MED13L: variants seen among roughly 807,000 people sequenced by gnomAD.
MED13L encodes mediator of RNA polymerase II transcription subunit 13-like.
MED13L carries 7 observed loss-of-function variants against 220.9 expected under a neutral mutation model. The observed-to-expected ratio is 0.03, with a 90% CI of 0.02 to 0.06. The LOEUF is 0.06. Among genes scored for constraint, MED13L ranks in the 10% least tolerant of loss-of-function variants. MED13L has a pLI of 1.00. For missense variants in MED13L, 1,965 were observed against 2,760.5 expected (o/e 0.71, Z 6.46); for synonymous variants, 1,011 against 1,015.2 (o/e 1.00, Z 0.08).
At chr12:116,124,085 T>C (rs927900148) in intron 2 of MED13L, among the ~76,000 whole-genome samples, 1 of 142,046 alleles carries the variant, frequency 7.0e-6, no homozygotes, top group Admixed American at 7.2e-5. Context: ...AAATAGCAAA[T>C]GTAGCAAAAA....
intron 2 of MED13L, among the ~76,000 whole-genome samples, chr12:116,157,195 C>A (rs868027576): frequency 6.6e-6 from 1 of 152,172 alleles, no homozygotes; most frequent in Non-Finnish European, 1.5e-5. Context: ...ATTAACCACC[C>A]TGTGCTATGC....
intron 2 of MED13L, among the ~76,000 whole-genome samples, chr12:116,227,514 A>G (rs376499455): frequency 2.0e-5 from 3 of 152,212 alleles, no homozygotes; most frequent in South Asian, 4.1e-4. Context: ...AATTCTTGCA[A>G]TATTTCAAAC....
chr12:116,222,925 T>C (rs1868584277), intron 2 of MED13L, among the ~76,000 whole-genome samples: 1 of 152,262 alleles, frequency 6.6e-6, no homozygotes, highest in African/African-American at 2.4e-5. Context: ...CAATCTCATT[T>C]TATCATGTAG....
chr12:116,034,397 A>G (rs931584114), intron 4 of MED13L, among the ~76,000 whole-genome samples: 3 of 152,222 alleles, frequency 2.0e-5, no homozygotes, highest in Non-Finnish European at 2.9e-5. Flanking sequence ...GAGGTGCGGA[A>G]GAACACAAAT....
intron 1 of MED13L, among the ~76,000 whole-genome samples, chr12:116,261,902 T>C (rs1050105383): frequency 2.0e-5 from 3 of 152,206 alleles, no homozygotes; most frequent in Admixed American, 6.5e-5. Flanking sequence ...CCTAGACTGT[T>C]CTAAGAGCTT....
intron 2 of MED13L, among the ~76,000 whole-genome samples, chr12:116,165,955 T>C (rs1879235210): frequency 6.6e-6 from 1 of 152,190 alleles, no homozygotes; most frequent in Non-Finnish European, 1.5e-5. Context: ...ACAACATGCC[T>C]CCTGCCACCA....
intron 2 of MED13L, among the ~76,000 whole-genome samples, chr12:116,145,925 TAAATAAACC>T (rs1404040424): frequency 6.6e-6 from 1 of 152,160 alleles, no homozygotes; most frequent in South Asian, 2.1e-4. Context: ...TTCTCTGCAA[TAAATAAACC>T]AAATAAACCA....
chr12:116,268,426 G>A (rs2138581215), intron 1 of MED13L, among the ~76,000 whole-genome samples: 1 of 152,170 alleles, frequency 6.6e-6, no homozygotes, highest in South Asian at 2.1e-4. Context: ...CCTTATTAGT[G>A]CTCATATTAA....
At chr12:116,091,533 C>T (rs926599684) in intron 4 of MED13L, among the ~76,000 whole-genome samples, 1 of 152,180 alleles carries the variant, frequency 6.6e-6, no homozygotes, top group Admixed American at 6.5e-5. Context: ...AAAATTATAG[C>T]TACCACTATT....
intron 2 of MED13L, among the ~76,000 whole-genome samples, chr12:116,213,307 A>C (rs1882815581): frequency 6.6e-6 from 1 of 152,230 alleles, no homozygotes; most frequent in Admixed American, 6.5e-5. Flanking sequence ...CTGCTTGCAA[A>C]TCAAAGACAA....
chr12:116,058,992 T>A (rs1193403800), intron 4 of MED13L, among the ~76,000 whole-genome samples: 1 of 152,228 alleles, frequency 6.6e-6, no homozygotes, highest in Non-Finnish European at 1.5e-5. Flanking sequence ...AAAAAAAGGT[T>A]TCCATTTATA....
chr12:116,075,384 T>C (rs1870699489), intron 4 of MED13L, among the ~76,000 whole-genome samples: 1 of 152,210 alleles, frequency 6.6e-6, no homozygotes, highest in Non-Finnish European at 1.5e-5. Flanking sequence ...ACAAGCAGTT[T>C]GCATAAACGT....
chr12:116,163,646 C>T (rs1879048111), intron 2 of MED13L, among the ~76,000 whole-genome samples: 1 of 152,036 alleles, frequency 6.6e-6, no homozygotes, highest in African/African-American at 2.4e-5. Flanking sequence ...TACACTGTGC[C>T]TGGCCAAGGT....
intron 3 of MED13L, among the ~76,000 whole-genome samples, chr12:116,099,823 C>A (rs757448132): frequency 2.0e-5 from 3 of 152,148 alleles, no homozygotes; most frequent in Non-Finnish European, 2.9e-5. Context: ...TCCAACACTG[C>A]GTGAATAGAG....
chr12:116,031,643 GGGGACGGGAC>G (rs755149086), intron 4 of MED13L, among the ~76,000 whole-genome samples: 3 of 102,238 alleles, frequency 2.9e-5, no homozygotes, highest in Non-Finnish European at 4.1e-5. Context: ...GGAGGGGAGG[GGGGACGGGAC>G]GGGACGGGAC....
At chr12:116,270,639 A>G (rs958392201) in intron 1 of MED13L, among the ~76,000 whole-genome samples, 1 of 152,222 alleles carries the variant, frequency 6.6e-6, no homozygotes, top group Admixed American at 6.5e-5. Flanking sequence ...AATATTTACT[A>G]AGATTAATGA....
rs1346232418 is a variant in MED13L at position 115,991,996 on chromosome 12, T to G, written c.2997-39A>C. On this transcript the variant is annotated intron_variant, in intron 16 of 30. Transcript: ENST00000281928. The surrounding 1 kb of genome is among the most constrained non-coding windows in gnomAD (Gnocchi z 7.7). ...AGGCACCAAGTGAGGAAGGGCAGCA[T>G]GTCACAGATGCTGAACTAGACACAT... is the stretch of plus-strand genomic sequence containing the variant. The G allele has an allele frequency of 4.6e-6, 7 of 1,536,394 alleles. No individual in the cohort carries two copies. Among genetic ancestry groups the G allele is most frequent in the Non-Finnish European group, 6.2e-6 (7 of 1,128,824 alleles).
intron 20 of MED13L, 21 bp downstream of exon 20, chr12:115,984,159 G>C: frequency 1.2e-6 from 2 of 1,611,086 alleles, no homozygotes; most frequent in Non-Finnish European, 1.7e-6. Flanking sequence ...ATTCTACTTT[G>C]CCAAATAAAT....
At chr12:116,035,507 A>C (rs1330542436) in intron 4 of MED13L, among the ~76,000 whole-genome samples, 1 of 152,154 alleles carries the variant, frequency 6.6e-6, no homozygotes, top group African/African-American at 2.4e-5. Context: ...AACTCACTTA[A>C]GCTATATAAT....
Sources: allele counts gnomAD v4.1 joint callset (sites outside exome capture counted in the v4.1 genomes callset), GRCh38; gene constraint gnomAD v4.1.1; non-coding constraint Gnocchi (gnomAD v3.1); transcripts MANE v1.5; gene names NCBI Gene and HGNC (gene_info 2026-07-23, HGNC 2026-07-21).